MRPL17: variants seen among roughly 807,000 people sequenced by gnomAD.
MRPL17 encodes the protein large ribosomal subunit protein bL17m.
In MRPL17, 8 loss-of-function variants were observed where a neutral mutation model predicts 12.0. The observed-to-expected ratio is 0.67, with a 90% CI of 0.39 to 1.21. MRPL17 has a LOEUF of 1.21. MRPL17 is among the 50% of genes most tolerant of loss of function. The pLI, the probability that MRPL17 is intolerant of heterozygous loss-of-function variation, is 0.01. For synonymous variants in MRPL17, 107 were observed against 92.9 expected (o/e 1.15, Z -0.87); for missense variants, 263 against 234.4 (o/e 1.12, Z -0.80).
rs1029626320 is a variant in MRPL17, at chr11:6,681,147, T to C, written c.*971A>G. The stretch of plus-strand genomic sequence containing the variant: ...TTATCAGGCACTGCTATCAAGTGTT[T>C]GGACCAAGACTGATGGCTCCTTTCT... On this transcript the variant is annotated 3_prime_UTR_variant, in exon 3 of 3. Coordinates refer to ENST00000288937, the MANE Select transcript of MRPL17 (RefSeq NM_022061.4). The C allele has an allele frequency of 6.6e-6, 1 of 152,224 alleles. No homozygotes were observed. Among genetic ancestry groups the C allele is most frequent in the Non-Finnish European group, 1.5e-5 (1 of 68,066 alleles). 9.4% of individuals were successfully genotyped at this position (152,224 alleles called of 1,614,324 possible).
Position 6,681,924 on chromosome 11 carries a change from A to C in MRPL17, c.*194T>G, listed in dbSNP as rs564814204. On this transcript the variant is annotated 3_prime_UTR_variant, in exon 3 of 3. Transcript: ENST00000288937. ...TCCCACAGGAAGGAAAAAATAAATA[A>C]ATTTATATATATTCATATAAAGACT... 358 of 377,260 alleles carry C rather than the reference A, an allele frequency of 9.5e-4. 3 individuals are homozygous for C. Among genetic ancestry groups the C allele is most frequent in the Middle Eastern group, 5.5e-3 (8 of 1,466 alleles). The allele number at this position is 377,260 out of a possible 1,614,324, so 23.4% of individuals were successfully genotyped here. A position where few individuals can be genotyped will look rare whatever the true frequency, so the allele number is the denominator to read the frequency against.
rs376219455 is a variant in MRPL17, at chr11:6,682,842, A to C, written c.175-27T>G. On this transcript the variant is annotated intron_variant, in intron 1 of 2. Coordinates refer to ENST00000288937, the MANE Select transcript of MRPL17 (RefSeq NM_022061.4). ...TGTGAGGACATAACATCACGGATCC[A>C]ACCGAGCAAGAAAACAAGGTGCCAA... The C allele has an allele frequency of 5.2e-4, 838 of 1,597,954 alleles. 6 individuals carry two copies. The highest frequency in any genetic ancestry group is 5.1e-4 in the South Asian group (46 of 90,296).
chr11:6,682,249 G>A lies in MRPL17; in HGVS notation c.397C>T (p.Leu133=). 1 of 1,614,190 alleles carries A rather than the reference G, an allele frequency of 6.2e-7. No homozygotes were observed. Among genetic ancestry groups the A allele is most frequent in the East Asian group, 2.2e-5 (1 of 44,882 alleles). Residue 133 remains leucine, a synonymous_variant, in exon 3 of 3, where the codon CTG becomes TTG. Coordinates refer to ENST00000288937, the MANE Select transcript of MRPL17 (RefSeq NM_022061.4). ...IEYKGNCLPP[L]PLPRRDSHLT... is the part of the protein sequence containing the mutation. Reference sequence around the variant, plus strand: ...TGGCTGTCTCTGCGAGGCAGAGGCAGGGGTGGGAGGCAATTCCCTTTATAC... The same window carrying A: ...TGGCTGTCTCTGCGAGGCAGAGGCAAGGGTGGGAGGCAATTCCCTTTATAC...
At position 6,681,889 on chromosome 11, in the gene MRPL17, T is replaced by C. The variant is rs1413844389; in HGVS notation, c.*229A>G. 13 of 296,400 alleles carry C rather than the reference T, an allele frequency of 4.4e-5. No homozygotes were observed. The highest frequency in any genetic ancestry group is 6.6e-5 in the Non-Finnish European group (11 of 166,266). 18.4% of individuals were successfully genotyped at this position (296,400 alleles called of 1,614,324 possible). On this transcript the variant is annotated 3_prime_UTR_variant, in exon 3 of 3. Coordinates refer to ENST00000288937, the MANE Select transcript of MRPL17 (RefSeq NM_022061.4). ...GACTGAGCATTTGGATAATTCTCAT[T>C]CTCCAGAAATCCCACAGGAAGGAAA...
Position 6,682,139 on chromosome 11 carries a change from T to A in MRPL17, c.507A>T (p.Thr169=). 1 of 1,612,964 alleles carries A rather than the reference T, an allele frequency of 6.2e-7. No homozygotes were observed. The highest frequency in any genetic ancestry group is 8.5e-7 in the Non-Finnish European group (1 of 1,179,156). ...CCAGTTAAATCCCTGGTGTTTGAGC[T>A]GTGTGGGAGCTGTGGTTGCTTGCTT... is the stretch of plus-strand genomic sequence containing the variant. ...SQEASNHSSH[T]AQTPGI Residue 169 remains threonine, a synonymous_variant, in exon 3 of 3, where the codon ACA becomes ACT. Coordinates refer to ENST00000288937, the MANE Select transcript of MRPL17 (RefSeq NM_022061.4).
rs1846558578 is a variant in MRPL17, at chr11:6,681,083, A to T, written c.*1035T>A. 6.6e-6 allele frequency: 1 copy of T among 152,220 alleles called. No homozygotes were observed. Among genetic ancestry groups the T allele is most frequent in the Non-Finnish European group, 1.5e-5 (1 of 68,044 alleles). 9.4% of individuals were successfully genotyped at this position (152,220 alleles called of 1,614,324 possible). On this transcript the variant is annotated 3_prime_UTR_variant, in exon 3 of 3. Coordinates refer to ENST00000288937, the MANE Select transcript of MRPL17 (RefSeq NM_022061.4). ...ATACACTCAGAAGATAGAGCCTAAG[A>T]TAAAATCTCTTCTACCCACTTTACT...
intron 2 of MRPL17, 109 bp from the exon 3 acceptor site, chr11:6,682,511 C>T (rs1846577493): frequency 1.2e-5 from 16 of 1,295,112 alleles, no homozygotes; most frequent in Non-Finnish European, 1.5e-5. Flanking sequence ...AAAGACCTCC[C>T]CCTCCCCTCG....
In MRPL17 at chr11:6,683,110, C is replaced by T; in HGVS notation, c.174+13G>A. On this transcript the variant is annotated intron_variant, in intron 1 of 2. Coordinates refer to ENST00000288937, the MANE Select transcript of MRPL17 (RefSeq NM_022061.4). ...CAGACCCGCAGAGTGGACAAGAGGG[C>T]CGCGCTCCTCACCTTCTCCGCGTAG... The T allele has an allele frequency of 6.2e-7, 1 of 1,610,118 alleles. No homozygotes were observed. Among genetic ancestry groups the T allele is most frequent in the Admixed American group, 1.7e-5 (1 of 59,858 alleles).
Position 6,682,748 on chromosome 11 carries a change from G to A in MRPL17, c.242C>T (p.Thr81Ile). Residue 81 changes from threonine to isoleucine, a missense_variant and splice_region_variant, in exon 2 of 3, where the codon ACA becomes ATA. Physicochemically the swap from Thr to Ile is moderately conservative, Grantham distance 89. Coordinates refer to ENST00000288937, the MANE Select transcript of MRPL17 (RefSeq NM_022061.4). Reference protein sequence around the residue: ...RAMRMADFWLTEKDLIPKLFQ... With the variant: ...RAMRMADFWLIEKDLIPKLFQ... Reference sequence around the variant, plus strand: ...TGAAGGCAGATAGGTCGCACTCACTGTGAGCCAGAAGTCAGCCATGCGCAT... The same window carrying A: ...TGAAGGCAGATAGGTCGCACTCACTATGAGCCAGAAGTCAGCCATGCGCAT... 3.1e-6 allele frequency: 5 copies of A among 1,614,130 alleles called. No homozygotes were observed. Among genetic ancestry groups the A allele is most frequent in the Non-Finnish European group, 4.2e-6 (5 of 1,179,954 alleles).
In MRPL17 at chr11:6,681,036, G is replaced by A. The variant is rs745552475; in HGVS notation, c.*1082C>T. 1.3e-5 allele frequency: 2 copies of A among 152,184 alleles called. No homozygotes were observed. Among genetic ancestry groups the A allele is most frequent in the Non-Finnish European group, 2.9e-5 (2 of 68,034 alleles). The allele number at this position is 152,184 out of a possible 1,614,324, so 9.4% of individuals were successfully genotyped here. A position where few individuals can be genotyped will look rare whatever the true frequency, so the allele number is the denominator to read the frequency against. On this transcript the variant is annotated 3_prime_UTR_variant, in exon 3 of 3. Coordinates refer to ENST00000288937, the MANE Select transcript of MRPL17 (RefSeq NM_022061.4). Reference sequence around the variant, plus strand: ...TTACTCTTACTTATTATCTCAGACAGTGGATGGGTTCAGTGGGCCAAATAC... The same window carrying A: ...TTACTCTTACTTATTATCTCAGACAATGGATGGGTTCAGTGGGCCAAATAC...
In MRPL17 at chr11:6,680,644, C is replaced by T. The variant is rs1458606853; in HGVS notation, c.*1474G>A. On this transcript the variant is annotated 3_prime_UTR_variant, in exon 3 of 3. Coordinates refer to ENST00000288937, the MANE Select transcript of MRPL17 (RefSeq NM_022061.4). ...AGAGGAAAAGCTACAGGAGCCCAGC[C>T]ACAATCCATCTATTTAAAATAAAGA... is the stretch of plus-strand genomic sequence containing the variant. 1 of 152,178 alleles carries T rather than the reference C, an allele frequency of 6.6e-6. No homozygotes were observed. The highest frequency in any genetic ancestry group is 1.5e-5 in the Non-Finnish European group (1 of 68,042). 9.4% of individuals were successfully genotyped at this position (152,178 alleles called of 1,614,324 possible).
chr11:6,683,333 T>C lies in MRPL17; in HGVS notation c.-37A>G. ...CTGCCCGCCCCTTGGAGGCCGGAACTGGAAACTGGAAGGTAGAGCCGGTGG... is the reference window on the plus strand; with the variant it reads ...CTGCCCGCCCCTTGGAGGCCGGAACCGGAAACTGGAAGGTAGAGCCGGTGG... On this transcript the variant is annotated 5_prime_UTR_variant, in exon 1 of 3. Coordinates refer to ENST00000288937, the MANE Select transcript of MRPL17 (RefSeq NM_022061.4). 6.3e-7 allele frequency: 1 copy of C among 1,585,186 alleles called. No homozygotes were observed. Among genetic ancestry groups the C allele is most frequent in the Non-Finnish European group, 8.6e-7 (1 of 1,163,070 alleles).
rs1017353152 is a variant in MRPL17 at position 6,681,653 on chromosome 11, A to AG, written c.*464_*465insC. 9 of 152,296 alleles carry AG rather than the reference A, an allele frequency of 5.9e-5. No homozygotes were observed. The highest frequency in any genetic ancestry group is 2.2e-4 in the African/African-American group (9 of 41,508). 9.4% of individuals were successfully genotyped at this position (152,296 alleles called of 1,614,324 possible). ...TTCACTTGCAGATTGTCACTCCCCT[A>AG]CCCCTGTCAGGAAGTAATCTTTCTC... is the stretch of plus-strand genomic sequence containing the variant. On this transcript the variant is annotated 3_prime_UTR_variant, in exon 3 of 3. Coordinates refer to ENST00000288937, the MANE Select transcript of MRPL17 (RefSeq NM_022061.4).
At chr11:6,683,084 C>T in intron 1 of MRPL17, 39 bp downstream of exon 1, 6 of 1,597,918 alleles carry the variant, frequency 3.8e-6, no homozygotes, top group Non-Finnish European at 5.1e-6. Context: ...CCCCCTCAGA[C>T]CAGACCCGCA....
intron 2 of MRPL17, 30 bp from the exon 3 acceptor site, chr11:6,682,432 G>A (rs1846576630): frequency 1.1e-5 from 17 of 1,601,476 alleles, no homozygotes; most frequent in Non-Finnish European, 1.4e-5. Context: ...AGAGACAGCA[G>A]AGTCAGGCAA....
chr11:6,682,141 T>C lies in MRPL17; in HGVS notation c.505A>G (p.Thr169Ala), dbSNP rs1227079332. 1 of 1,613,624 alleles carries C rather than the reference T, an allele frequency of 6.2e-7. No homozygotes were observed. Among genetic ancestry groups the C allele is most frequent in the East Asian group, 2.2e-5 (1 of 44,862 alleles). ...AGTTAAATCCCTGGTGTTTGAGCTG[T>C]GTGGGAGCTGTGGTTGCTTGCTTCC... ...SQEASNHSSHTAQTPGI is the reference protein window; with the variant it reads ...SQEASNHSSHAAQTPGI Residue 169 changes from threonine to alanine, a missense_variant, in exon 3 of 3, where the codon ACA (threonine) becomes GCA (alanine). Physicochemically the swap from Thr to Ala is moderately conservative, Grantham distance 58. Coordinates refer to ENST00000288937, the MANE Select transcript of MRPL17 (RefSeq NM_022061.4).
rs569544361 is a variant in MRPL17 at position 6,681,497 on chromosome 11, T to C, written c.*621A>G. ...CTGGTGGAACATCTGAGTTCTTGGG[T>C]CCTCTCCTCCCAGGCCCATTCAGGG... On this transcript the variant is annotated 3_prime_UTR_variant, in exon 3 of 3. Coordinates refer to ENST00000288937, the MANE Select transcript of MRPL17 (RefSeq NM_022061.4). The C allele has an allele frequency of 6.6e-6, 1 of 152,296 alleles. No individual in the cohort carries two copies. The highest frequency in any genetic ancestry group is 6.5e-5 in the Admixed American group (1 of 15,288). 9.4% of individuals were successfully genotyped at this position (152,296 alleles called of 1,614,324 possible).
Position 6,682,815 on chromosome 11 carries a change from G to C in MRPL17, c.175C>G (p.Leu59Val). The C allele has an allele frequency of 1.9e-6, 3 of 1,613,506 alleles. No homozygotes were observed. The highest frequency in any genetic ancestry group is 2.7e-5 in the African/African-American group (2 of 75,034). The change falls in exon 2 of 3, where the codon CTC becomes GTC. Residue 59 changes from leucine to valine, a missense_variant and splice_region_variant. By Grantham distance (32) the Leu-to-Val change is conservative. Transcript: ENST00000288937. ...TCTCCCAGCTTCCCATAGTCGATGAGCTGTGAGGACATAACATCACGGATC... is the reference window on the plus strand; with the variant it reads ...TCTCCCAGCTTCCCATAGTCGATGACCTGTGAGGACATAACATCACGGATC... Reference protein sequence around the residue: ...VDEMRGYAEKLIDYGKLGDTN... With the variant: ...VDEMRGYAEKVIDYGKLGDTN...
Position 6,682,830 on chromosome 11 carries a change from C to G in MRPL17, c.175-15G>C. ...TAGTCGATGAGCTGTGAGGACATAA[C>G]ATCACGGATCCAACCGAGCAAGAAA... On this transcript the variant is annotated splice_polypyrimidine_tract_variant and intron_variant, in intron 1 of 2. Coordinates refer to ENST00000288937, the MANE Select transcript of MRPL17 (RefSeq NM_022061.4). 2 of 1,606,682 alleles carry G rather than the reference C, an allele frequency of 1.2e-6. No individual in the cohort carries two copies. The highest frequency in any genetic ancestry group is 1.7e-5 in the Admixed American group (1 of 59,554).
Sources: allele counts gnomAD v4.1 joint callset, GRCh38; gene constraint gnomAD v4.1.1; transcripts MANE v1.5; gene names NCBI Gene and HGNC (gene_info 2026-07-23, HGNC 2026-07-21).